The following DIP2C variants were observed in gnomAD, a reference collection of about 807,000 sequenced individuals.
The protein encoded by DIP2C is DIP2 acetate--CoA ligase C (putative).
In DIP2C, 33 loss-of-function variants were observed where a neutral mutation model predicts 192.4. The ratio of observed to expected loss-of-function variants is 0.17; its 90% CI spans 0.13 to 0.23. DIP2C has a LOEUF of 0.23. DIP2C is among the 10% of genes least tolerant of loss of function. The pLI is 1.00. For synonymous variants in DIP2C, 979 were observed against 864.1 expected, an observed-to-expected ratio of 1.13 and a Z score of -2.33; for missense variants, 1,537 against 2,110.1, an observed-to-expected ratio of 0.73 and a Z score of 5.32.
At chr10:293,379 G>A (rs1955587577) in intron 32 of DIP2C, among the ~76,000 whole-genome samples, 1 of 152,234 alleles carries the variant, frequency 6.6e-6, no homozygotes, top group African/African-American at 2.4e-5. Context: ...CGCTCACCGT[G>A]TGAGGATGGC....
chr10:491,130 G>C (rs983794412), intron 1 of DIP2C, among the ~76,000 whole-genome samples: 1 of 152,166 alleles, frequency 6.6e-6, no homozygotes, highest in Non-Finnish European at 1.5e-5. Context: ...GGCCCAACTG[G>C]AACCAGTGCA....
chr10:672,802 C>G (rs770125491), intron 1 of DIP2C, among the ~76,000 whole-genome samples: 3 of 152,208 alleles, frequency 2.0e-5, no homozygotes, highest in Non-Finnish European at 2.9e-5. Context: ...ATAAAGATTT[C>G]TGATGAAACT....
At chr10:562,905 G>A (rs1206479791) in intron 1 of DIP2C, among the ~76,000 whole-genome samples, 1 of 152,204 alleles carries the variant, frequency 6.6e-6, no homozygotes. Flanking sequence ...ACACAAGCCT[G>A]GCTGCTTAAA....
chr10:615,548 C>CATCA (rs1188929336), intron 1 of DIP2C, among the ~76,000 whole-genome samples: 4 of 152,120 alleles, frequency 2.6e-5, no homozygotes, highest in Non-Finnish European at 5.9e-5. Flanking sequence ...GGGTCAGAGT[C>CATCA]ATCAAATTCA....
At chr10:453,420 A>G (rs908633763) in intron 3 of DIP2C, among the ~76,000 whole-genome samples, 3 of 152,264 alleles carry the variant, frequency 2.0e-5, no homozygotes, top group East Asian at 1.9e-4. Flanking sequence ...CTGGACATAC[A>G]GTGTCAAAGA....
At chr10:544,969 C>G (rs953143310) in intron 1 of DIP2C, among the ~76,000 whole-genome samples, 4 of 152,060 alleles carry the variant, frequency 2.6e-5, no homozygotes, top group South Asian at 2.1e-4. Context: ...TCTAAGGAAC[C>G]ATTGCTTAAT....
intron 1 of DIP2C, among the ~76,000 whole-genome samples, chr10:649,205 A>G (rs1203084242): frequency 6.7e-6 from 1 of 150,088 alleles, no homozygotes; most frequent in East Asian, 2.0e-4. Flanking sequence ...ACGGTGGGAG[A>G]GAACAGAGGG....
chr10:343,968 T>C (rs2132580646), intron 28 of DIP2C, among the ~76,000 whole-genome samples: 1 of 152,264 alleles, frequency 6.6e-6, no homozygotes, highest in African/African-American at 2.4e-5. Flanking sequence ...ACCCTGGCTG[T>C]GGGTCACAAA....
chr10:656,158 CTTCTA>C (rs150748655), intron 1 of DIP2C, among the ~76,000 whole-genome samples: 7 of 10,158 alleles, frequency 6.9e-4, no homozygotes, highest in East Asian at 2.6e-3. Flanking sequence ...TACACTGTTT[CTTCTA>C]TTCTATGTTA....
chr10:572,387 G>C (rs1212472314), intron 1 of DIP2C, among the ~76,000 whole-genome samples: 1 of 152,204 alleles, frequency 6.6e-6, no homozygotes, highest in Admixed American at 6.5e-5. Context: ...TCCAGGCAGA[G>C]GGTTGCATCT....
intron 17 of DIP2C, among the ~76,000 whole-genome samples, chr10:376,206 A>C (rs7098241): frequency 0.38 from 58,095 of 151,664 alleles, 11,389 homozygotes; most frequent in East Asian, 0.52. Flanking sequence ...CACATGACAA[A>C]GCAGGCGCGA....
intron 12 of DIP2C, 72 bp from the exon 13 acceptor site, chr10:390,165 T>A (rs1963343793): frequency 1.9e-6 from 3 of 1,579,352 alleles, no homozygotes; most frequent in Non-Finnish European, 2.6e-6. Context: ...CTTGAGGTTC[T>A]CCAAGTCCCT....
chr10:364,660 C>A (rs534665000), intron 19 of DIP2C, 78 bp from the exon 20 acceptor site: 8 of 1,473,346 alleles, frequency 5.4e-6, no homozygotes, highest in South Asian at 1.2e-5. Context: ...CCTGGGAGCA[C>A]GGCACCTGCT....
intron 1 of DIP2C, among the ~76,000 whole-genome samples, chr10:505,128 A>G (rs188296178): frequency 6.6e-6 from 1 of 152,164 alleles, no homozygotes; most frequent in Non-Finnish European, 1.5e-5. Context: ...TCTCCCCAAA[A>G]GAAAACTGTA....
rs555134742 is a variant in DIP2C, at chr10:435,761, A to G, written c.394+5110T>C. 5.0e-4 allele frequency among the ~76,000 whole-genome samples: 76 copies of G among 152,310 alleles called. 1 individual carries two copies. In the South Asian group the frequency reaches 0.015, roughly 30 times the overall value. ...AAACTCCCCAACTCCATTGTAATAA[A>G]AAGTGTCTTCCCTTCCTCTGGCTCA... On this transcript the variant is annotated intron_variant, in intron 4 of 36. Transcript: ENST00000280886.
At chr10:339,555 C>T (rs1441045711) in intron 29 of DIP2C, among the ~76,000 whole-genome samples, 3 of 152,160 alleles carry the variant, frequency 2.0e-5, no homozygotes, top group Non-Finnish European at 4.4e-5. Context: ...AGGCTTCCAT[C>T]GGCTGGCTTC....
Position 390,158 on chromosome 10 carries a change from G to A in DIP2C, c.1495-65C>T, listed in dbSNP as rs193221873. 48 of 1,587,444 alleles carry A rather than the reference G, an allele frequency of 3.0e-5. No homozygotes were observed. In the East Asian group the frequency reaches 9.6e-4, roughly 32 times the overall value. The stretch of plus-strand genomic sequence containing the variant: ...GTCACGGCAGTTTTTCTGGTTACTT[G>A]AGGTTCTCCAAGTCCCTGAATTTTG... On this transcript the variant is annotated intron_variant, in intron 12 of 36. Coordinates refer to ENST00000280886, the MANE Select transcript of DIP2C (RefSeq NM_014974.3).
At position 615,224 on chromosome 10, in the gene DIP2C, G is replaced by A. The variant is rs538707510; in HGVS notation, c.85+74270C>T. Among the ~76,000 whole-genome samples the A allele has an allele frequency of 9.2e-5, 14 of 152,290 alleles. No homozygotes were observed. The East Asian group carries it at 1.2e-3, about 13-fold the overall frequency. The stretch of plus-strand genomic sequence containing the variant: ...AGGCGGGCTGCTTCTCCCAACGATC[G>A]GGGAAGAAATGAGATCTGTTTCCCT... On this transcript the variant is annotated intron_variant, in intron 1 of 36. Transcript: ENST00000280886.
chr10:414,979 T>C (rs546179031), intron 7 of DIP2C, among the ~76,000 whole-genome samples: 97 of 148,330 alleles, frequency 6.5e-4, no homozygotes, highest in African/African-American at 2.3e-3. Flanking sequence ...CAGGCTCAAG[T>C]GATCTGCCTA....
Sources: gnomAD v4.1 joint callset for allele counts (sites outside exome capture counted in the v4.1 genomes callset) on GRCh38, gnomAD v4.1.1 for gene constraint, MANE v1.5 for transcripts, NCBI Gene and HGNC (gene_info 2026-07-23, HGNC 2026-07-21) for gene names.